MYLK4: variants seen among roughly 807,000 people sequenced by gnomAD.
MYLK4 encodes the protein caMLCK like.
Under a neutral mutation model 48.1 loss-of-function variants are expected in MYLK4, and 46 were observed. That is an observed-to-expected ratio of 0.96 (90% CI 0.75 to 1.22). MYLK4 has a LOEUF of 1.22. MYLK4 is among the 50% of genes most tolerant of loss of function. MYLK4 has a pLI of 0.00. For synonymous variants in MYLK4, 170 were observed against 180.8 expected, an observed-to-expected ratio of 0.94 and a Z score of 0.48; for missense variants, 451 against 486.1, an observed-to-expected ratio of 0.93 and a Z score of 0.68.
At position 2,683,097 on chromosome 6, in the gene MYLK4, G is replaced by A. The variant is rs1761375819; in HGVS notation, c.611C>T (p.Thr204Ile). The A allele has an allele frequency of 6.2e-7, 1 of 1,614,084 alleles. No homozygotes were observed. The highest frequency in any genetic ancestry group is 1.3e-5 in the African/African-American group (1 of 74,988). ...ACATATCTGCTTCATGAACAGGATG[G>A]TATCAAGCTCCGTCAAATTGTAGCT... is the stretch of plus-strand genomic sequence containing the variant. ...DESYNLTELD[T>I]ILFMKQICEG... The change falls in exon 7 of 13, where the codon ACC (threonine) becomes ATC (isoleucine). Residue 204 changes from threonine to isoleucine, a missense_variant. By Grantham distance (89) the Thr-to-Ile change is moderately conservative. Coordinates refer to ENST00000274643, the MANE Select transcript of MYLK4 (RefSeq NM_001012418.5).
At chr6:2,682,363 T>C (rs2113124365) in intron 7 of MYLK4, among the ~76,000 whole-genome samples, 1 of 14,426 alleles carries the variant, frequency 6.9e-5, no homozygotes, top group South Asian at 0.014. Context: ...TCTAGGAACT[T>C]CATAATGAGA....
In MYLK4 at chr6:2,671,428, A is replaced by G. The variant is rs549950133; in HGVS notation, c.1120-80T>C. 44 of 1,322,264 alleles carry G rather than the reference A, an allele frequency of 3.3e-5. No homozygotes were observed. The African/African-American group carries it at 6.2e-4, about 19-fold the overall frequency. 81.9% of individuals were successfully genotyped at this position (1,322,264 alleles called of 1,614,324 possible). On this transcript the variant is annotated intron_variant, in intron 11 of 12. Coordinates refer to ENST00000274643, the MANE Select transcript of MYLK4 (RefSeq NM_001012418.5). The stretch of plus-strand genomic sequence containing the variant: ...GACTTATGAGCTCACATGAAAAGAC[A>G]ATCACTTGCTACTGAGGAGAAGGTG...
At chr6:2,766,254 G>T in the MYLK4 span, 1 of 1,509,106 alleles carries the variant, frequency 6.6e-7, no homozygotes, top group Non-Finnish European at 8.9e-7. Flanking sequence ...CCGCACCCCC[G>T]GGCGCTGGCT....
intron 3 of MYLK4, among the ~76,000 whole-genome samples, chr6:2,689,819 A>T (rs1761704790): frequency 6.6e-6 from 1 of 152,254 alleles, no homozygotes; most frequent in Non-Finnish European, 1.5e-5. Context: ...TTTATTTGAC[A>T]TATGTTTCTT....
rs142063204 is a variant in MYLK4 at position 2,683,546 on chromosome 6, A to G, written c.546-384T>C. 4.7e-4 allele frequency among the ~76,000 whole-genome samples: 71 copies of G among 152,020 alleles called. No homozygotes were observed. The East Asian group carries it at 0.01, about 22-fold the overall frequency. ...GCGATTCTCATGCCTCAGTCTCCCA[A>G]GTAGCTGGGATTAGAGGCATGCGCC... On this transcript the variant is annotated intron_variant, in intron 6 of 12. Transcript: ENST00000274643.
chr6:2,745,476 G>A (rs908609855), intron 2 of MYLK4, among the ~76,000 whole-genome samples: 5 of 152,290 alleles, frequency 3.3e-5, no homozygotes, highest in African/African-American at 7.2e-5. Context: ...ACACCACACC[G>A]TGTACGTATG....
chr6:2,762,111 T>C, the MYLK4 span, among the ~76,000 whole-genome samples: 4 of 152,164 alleles, frequency 2.6e-5, no homozygotes, highest in South Asian at 2.1e-4. Flanking sequence ...GGTTTCACCA[T>C]GTTGGCCACG....
the MYLK4 span, chr6:2,766,282 G>A: frequency 6.3e-7 from 1 of 1,591,496 alleles, no homozygotes. Flanking sequence ...AGATCCGACA[G>A]ATGCTACAGG....
intron 2 of MYLK4, among the ~76,000 whole-genome samples, chr6:2,710,799 G>A (rs1215107318): frequency 6.6e-6 from 1 of 152,200 alleles, no homozygotes; most frequent in African/African-American, 2.4e-5. Context: ...GGCTTTCAGT[G>A]TTCTTTAAAG....
At chr6:2,704,505 T>C (rs1228618402) in intron 2 of MYLK4, among the ~76,000 whole-genome samples, 1 of 152,236 alleles carries the variant, frequency 6.6e-6, no homozygotes, top group Non-Finnish European at 1.5e-5. Flanking sequence ...TTAGACCTAC[T>C]AAAAATCAGA....
the MYLK4 span, among the ~76,000 whole-genome samples, chr6:2,764,457 C>T: frequency 3.3e-5 from 5 of 152,158 alleles, no homozygotes; most frequent in African/African-American, 4.8e-5. Context: ...CAAGTTTTGG[C>T]CAAATTTCGG....
intron 9 of MYLK4, among the ~76,000 whole-genome samples, chr6:2,678,797 ACCT>A (rs1293269105): frequency 7.0e-6 from 1 of 142,142 alleles, no homozygotes; most frequent in African/African-American, 2.7e-5. Flanking sequence ...TGCAACCTCC[ACCT>A]CCTGGAAGCA....
At chr6:2,671,406 T>C in intron 11 of MYLK4, 58 bp from the exon 12 acceptor site, 1 of 1,500,402 alleles carries the variant, frequency 6.7e-7, no homozygotes, top group Non-Finnish European at 9.3e-7. Context: ...AGGTCCTGAC[T>C]TATGAGCTCA....
chr6:2,674,888 A>T (rs575878600), intron 11 of MYLK4, among the ~76,000 whole-genome samples, 159 bp downstream of exon 11: 116 of 152,336 alleles, frequency 7.6e-4, no homozygotes, highest in Admixed American at 1.2e-3. Context: ...AATTTTTTTT[A>T]AAAAAGCATT....
rs1261392043 is a variant in MYLK4, at chr6:2,664,089, C to T, written c.*3836G>A. 6.6e-6 allele frequency: 1 copy of T among 152,194 alleles called. No homozygotes were observed. The highest frequency in any genetic ancestry group is 1.5e-5 in the Non-Finnish European group (1 of 68,038). 9.4% of individuals were successfully genotyped at this position (152,194 alleles called of 1,614,324 possible). ...AGGAAGTCATCTTAATCCAGGAACC[C>T]AATATCTAATAAATCCAGCACCCAC... On this transcript the variant is annotated 3_prime_UTR_variant, in exon 13 of 13. Coordinates refer to ENST00000274643, the MANE Select transcript of MYLK4 (RefSeq NM_001012418.5).
At chr6:2,668,146 G>A (rs1169822124) in intron 12 of MYLK4, among the ~76,000 whole-genome samples, 1 of 151,878 alleles carries the variant, frequency 6.6e-6, no homozygotes, top group African/African-American at 2.4e-5. Context: ...GGTTCAAGGG[G>A]TACATGTGCA....
At chr6:2,718,712 T>G (rs1762958142) in intron 2 of MYLK4, among the ~76,000 whole-genome samples, 1 of 152,222 alleles carries the variant, frequency 6.6e-6, no homozygotes. Context: ...CTGCATACAA[T>G]TTCTAACTAA....
chr6:2,699,533 G>A (rs181880799), intron 2 of MYLK4, among the ~76,000 whole-genome samples: 3 of 149,994 alleles, frequency 2.0e-5, no homozygotes, highest in East Asian at 3.9e-4. Flanking sequence ...TCCTGACCTC[G>A]TGATCCACCT....
intron 1 of MYLK4, among the ~76,000 whole-genome samples, chr6:2,750,418 A>G (rs939368319): frequency 1.3e-5 from 2 of 152,242 alleles, no homozygotes; most frequent in Non-Finnish European, 2.9e-5. Context: ...CTCTACAGAT[A>G]TATTACAGAT....
Sources: gnomAD v4.1 joint callset for allele counts (sites outside exome capture counted in the v4.1 genomes callset) on GRCh38, gnomAD v4.1.1 for gene constraint, MANE v1.5 for transcripts, NCBI Gene and HGNC (gene_info 2026-07-23, HGNC 2026-07-21) for gene names.